The following CFAP57 variants were observed in gnomAD, a reference collection of about 807,000 sequenced individuals.
CFAP57 encodes cilia and flagella associated protein 57, also known as cilia- and flagella-associated protein 57.
A neutral mutation model predicts 146.8 loss-of-function variants in CFAP57; 116 were observed. The ratio of observed to expected loss-of-function variants is 0.79; its 90% confidence interval spans 0.68 to 0.92. The LOEUF (loss-of-function observed/expected upper bound fraction) is 0.92, where lower values mean the gene tolerates loss of function less well. CFAP57 is among the 40% of genes least tolerant of loss of function. The pLI is 0.00. For synonymous variants in CFAP57, 518 were observed against 552.8 expected, an observed-to-expected ratio of 0.94 and a Z score of 0.88; for missense variants, 1,377 against 1,527.2, an observed-to-expected ratio of 0.90 and a Z score of 1.64.
chr1:43,236,179 C>T (rs1235309175), intron 21 of CFAP57, among the ~76,000 whole-genome samples: 2 of 151,952 alleles, frequency 1.3e-5, no homozygotes, highest in African/African-American at 4.8e-5. Flanking sequence ...AGCATTGTAA[C>T]CTATGTGCTA....
In CFAP57 at chr1:43,254,000, A is replaced by G; in HGVS notation, c.3562A>G (p.Thr1188Ala). 6.4e-7 allele frequency: 1 copy of G among 1,550,580 alleles called. No individual in the cohort carries two copies. The highest frequency in any genetic ancestry group is 8.7e-7 in the Non-Finnish European group (1 of 1,146,998). ...AGAACCCAGCAGGGACATGCTCAGC[A>G]CAGCTCCCACCGCAAGGTTGAATGA... ...ETEPSRDMLS[T>A]APTARLNEQE... The change falls in exon 23 of 23, where the codon ACA becomes GCA. Residue 1188 changes from threonine to alanine, a missense_variant. By Grantham distance (58) the Thr-to-Ala change is moderately conservative. Transcript: ENST00000372492.
chr1:43,180,431 A>G (rs1021813285), intron 2 of CFAP57, among the ~76,000 whole-genome samples: 1 of 151,784 alleles, frequency 6.6e-6, no homozygotes, highest in Non-Finnish European at 1.5e-5. Flanking sequence ...CACTGTGTCT[A>G]GTGGATAAGT....
intron 9 of CFAP57, 81 bp from the exon 10 acceptor site, chr1:43,206,639 C>T: frequency 7.0e-7 from 1 of 1,429,594 alleles, no homozygotes; most frequent in South Asian, 1.2e-5. Context: ...TAGTGGAGCA[C>T]CTAAGGAGTT....
At chr1:43,210,072 ACT>A in intron 11 of CFAP57, 156 bp downstream of exon 11, 1 of 1,613,962 alleles carries the variant, frequency 6.2e-7, no homozygotes, top group Non-Finnish European at 8.5e-7. Context: ...CTATGAATAT[ACT>A]CTTTGTTTAA....
rs142202953 is a variant in CFAP57 at position 43,239,081 on chromosome 1, C to G, written c.3406-4146C>G. ...CCTCTGTCTCCCCTGGGGTTGCACA[C>G]TGTCACACTGGGTTGGGCAGGGGCC... On this transcript the variant is annotated intron_variant, in intron 21 of 22. Coordinates refer to ENST00000372492, the MANE Select transcript of CFAP57 (RefSeq NM_001378189.1). 2.6e-3 allele frequency among the ~76,000 whole-genome samples: 399 copies of G among 152,188 alleles called. 2 individuals are homozygous for G. Among genetic ancestry groups the G allele is most frequent in the South Asian group, 0.014 (69 of 4,820 alleles).
chr1:43,242,041 G>A (rs929623562), intron 21 of CFAP57, among the ~76,000 whole-genome samples: 1 of 152,110 alleles, frequency 6.6e-6, no homozygotes, highest in Non-Finnish European at 1.5e-5. Context: ...CACTCCTGTC[G>A]ACTCCCCTCC....
chr1:43,251,795 G>T (rs2124697669), intron 22 of CFAP57, among the ~76,000 whole-genome samples: 1 of 152,350 alleles, frequency 6.6e-6, no homozygotes, highest in East Asian at 1.9e-4. Context: ...GCAGGGGAAG[G>T]TGCTGAAGGA....
chr1:43,250,708 G>A (rs772066133), intron 22 of CFAP57, among the ~76,000 whole-genome samples: 6 of 152,088 alleles, frequency 3.9e-5, no homozygotes, highest in East Asian at 1.9e-4. Flanking sequence ...GGGCTTGATC[G>A]ACCTGCAAAT....
intron 21 of CFAP57, among the ~76,000 whole-genome samples, 190 bp downstream of exon 21, chr1:43,234,828 T>C (rs1645624953): frequency 6.6e-6 from 1 of 152,050 alleles, no homozygotes; most frequent in African/African-American, 2.4e-5. Context: ...GGCTGAGAGC[T>C]CACCTAGGAG....
In CFAP57 at chr1:43,204,858, G is replaced by A. The variant is rs141366177; in HGVS notation, c.1543-1862G>A. On this transcript the variant is annotated intron_variant, in intron 9 of 22. Coordinates refer to ENST00000372492, the MANE Select transcript of CFAP57 (RefSeq NM_001378189.1). ...CATAAGAGGGTACAGCCTTGGGCATGCACAGAGTCTTCCAGGCTGCGAGGG... is the reference window on the plus strand; with the variant it reads ...CATAAGAGGGTACAGCCTTGGGCATACACAGAGTCTTCCAGGCTGCGAGGG... 2.0e-4 allele frequency among the ~76,000 whole-genome samples: 31 copies of A among 152,274 alleles called. 2 individuals are homozygous for A. The South Asian group carries it at 6.4e-3, about 32-fold the overall frequency.
rs1160836401 is a variant in CFAP57 at position 43,222,881 on chromosome 1, G to T, written c.2590G>T (p.Glu864Ter). The change falls in exon 16 of 23, where the codon GAG (glutamate) becomes TAG (stop). Residue 864 changes from glutamate to a stop codon, truncating the protein, a stop_gained. Transcript: ENST00000372492. LOFTEE classifies it high-confidence loss of function. ...REFEETKKQIEEDEDREIQDI... is the reference protein window; with the variant it reads ...REFEETKKQI Reference sequence around the variant, plus strand: ...GTTTGAAGAGACCAAGAAGCAGATTGAGGAAGATGAAGACCGAGAAATCCA... The same window carrying T: ...GTTTGAAGAGACCAAGAAGCAGATTTAGGAAGATGAAGACCGAGAAATCCA... 1.3e-6 allele frequency: 2 copies of T among 1,550,454 alleles called. No individual in the cohort carries two copies. Among genetic ancestry groups the T allele is most frequent in the Non-Finnish European group, 1.7e-6 (2 of 1,146,866 alleles).
At chr1:43,241,870 G>T (rs563705096) in intron 21 of CFAP57, among the ~76,000 whole-genome samples, 191 of 152,282 alleles carry the variant, frequency 1.3e-3, no homozygotes, top group African/African-American at 4.4e-3. Flanking sequence ...GAGCAAAGTG[G>T]CCAGTCTCTT....
chr1:43,227,375 C>G (rs1206076383), intron 18 of CFAP57, among the ~76,000 whole-genome samples: 3 of 152,234 alleles, frequency 2.0e-5, no homozygotes, highest in Admixed American at 2.0e-4. Flanking sequence ...TTGGCCCTAC[C>G]CGTGCCTCAG....
chr1:43,247,390 C>T (rs1039685359), intron 22 of CFAP57, among the ~76,000 whole-genome samples: 3 of 152,202 alleles, frequency 2.0e-5, no homozygotes, highest in African/African-American at 7.2e-5. Context: ...TATCACCATA[C>T]ATCCTGTGCA....
At position 43,219,535 on chromosome 1, in the gene CFAP57, C is replaced by T. The variant is rs1421352810; in HGVS notation, c.2245C>T (p.Gln749Ter). Reference protein sequence around the residue: ...QEMESLKTKNQVLRTEKEKQD... With the variant: ...QEMESLKTKN Reference sequence around the variant, plus strand: ...AATGGAGTCCTTGAAAACAAAAAACCAGGTCTGTTTAAGAGACTGACCAAC... The same window carrying T: ...AATGGAGTCCTTGAAAACAAAAAACTAGGTCTGTTTAAGAGACTGACCAAC... The change falls in exon 13 of 23, where the codon CAG (glutamine) becomes TAG (stop). Residue 749 changes from glutamine (Q) to a stop codon, truncating the protein, a stop_gained and splice_region_variant. Transcript: ENST00000372492. LOFTEE classifies it high-confidence loss of function. 2 of 1,550,378 alleles carry T rather than the reference C, an allele frequency of 1.3e-6. No individual in the cohort carries two copies. Among genetic ancestry groups the T allele is most frequent in the Non-Finnish European group, 1.7e-6 (2 of 1,146,928 alleles).
chr1:43,199,590 GA>G, intron 9 of CFAP57, 87 bp downstream of exon 9: 12 of 1,070,882 alleles, frequency 1.1e-5, no homozygotes, highest in Non-Finnish European at 1.7e-5. Context: ...ACAAAAGAGA[GA>G]TGGTTCCTTT....
Position 43,181,657 on chromosome 1 carries a change from G to A in CFAP57, c.281G>A (p.Cys94Tyr). The change falls in exon 3 of 23, where the codon TGC becomes TAC. Residue 94 changes from cysteine to tyrosine, a missense_variant. Coordinates refer to ENST00000372492, the MANE Select transcript of CFAP57 (RefSeq NM_001378189.1). ...ITIYELSSIPCRKRKVLNNFD... is the reference protein window; with the variant it reads ...ITIYELSSIPYRKRKVLNNFD... Reference sequence around the variant, plus strand: ...ATTTATGAATTGTCATCCATCCCTTGCCGGAAGCGCAAAGTTCTTAATAAT... The same window carrying A: ...ATTTATGAATTGTCATCCATCCCTTACCGGAAGCGCAAAGTTCTTAATAAT... 2 of 1,614,158 alleles carry A rather than the reference G, an allele frequency of 1.2e-6. No homozygotes were observed. Among genetic ancestry groups the A allele is most frequent in the Non-Finnish European group, 8.5e-7 (1 of 1,180,014 alleles).
At chr1:43,191,657 C>T (rs1334832515) in intron 6 of CFAP57, among the ~76,000 whole-genome samples, 4 of 147,486 alleles carry the variant, frequency 2.7e-5, no homozygotes, top group Admixed American at 6.9e-5. Context: ...TTTCCTCCTC[C>T]CCCCATTTTT....
At chr1:43,184,733 G>T (rs760504148) in intron 4 of CFAP57, 4 of 168,126 alleles carry the variant, frequency 2.4e-5, no homozygotes, top group Non-Finnish European at 3.7e-5. Context: ...CATGCCAATG[G>T]CATATCCTTT....
Sources: gnomAD v4.1 joint callset for allele counts (sites outside exome capture counted in the v4.1 genomes callset) on GRCh38, gnomAD v4.1.1 for gene constraint, MANE v1.5 for transcripts, NCBI Gene and HGNC (gene_info 2026-07-23, HGNC 2026-07-21) for gene names.